The following USP15 variants were observed in gnomAD, a reference collection of about 807,000 sequenced individuals.
USP15 encodes ubiquitin carboxyl-terminal hydrolase 15.
In USP15, 18 loss-of-function variants were observed where a neutral mutation model predicts 127.1. The ratio of observed to expected loss-of-function variants is 0.14; its 90% CI spans 0.10 to 0.21. The LOEUF (loss-of-function observed/expected upper bound fraction) is 0.21. Ranked by LOEUF, USP15 falls within the 10% of genes least tolerant of loss-of-function variation. The pLI is 1.00. For synonymous variants in USP15, 364 were observed against 393.7 expected (o/e 0.92, Z 0.89); for missense variants, 805 against 1,159.9 (o/e 0.69, Z 4.44).
chr12:62,391,821 T>A lies in USP15; in HGVS notation c.2239T>A (p.Ser747Thr). The part of the protein sequence containing the change: ...DDRQLRLDER[S>T]FLALDWDPDL... ...AAATATGTTTTCCACCTTAGAAAGA[T>A]CTTTTCTTGCTTTGGATTGGGATCC... is the stretch of plus-strand genomic sequence containing the variant. The change falls in exon 17 of 22, where the codon TCT becomes ACT. Residue 747 changes from serine to threonine, a missense_variant. Transcript: ENST00000280377. 2 of 1,606,214 alleles carry A rather than the reference T, an allele frequency of 1.2e-6. No homozygotes were observed. Among genetic ancestry groups the A allele is most frequent in the African/African-American group, 1.3e-5 (1 of 74,732 alleles).
chr12:62,292,176 C>G (rs1342684534), intron 1 of USP15, among the ~76,000 whole-genome samples: 1 of 152,130 alleles, frequency 6.6e-6, no homozygotes, highest in Non-Finnish European at 1.5e-5. Context: ...GATGAGCTGT[C>G]TTAGCACCCT....
intron 3 of USP15, among the ~76,000 whole-genome samples, chr12:62,307,882 T>C (rs2137221181): frequency 6.6e-6 from 1 of 152,242 alleles, no homozygotes; most frequent in Non-Finnish European, 1.5e-5. Flanking sequence ...AATCATCTCA[T>C]ATCATTACAA....
intron 8 of USP15, among the ~76,000 whole-genome samples, chr12:62,364,957 T>C (rs1174264076): frequency 6.6e-6 from 1 of 152,206 alleles, no homozygotes; most frequent in African/African-American, 2.4e-5. Context: ...CAGTCTGTCA[T>C]TGATGGACAT....
chr12:62,407,849 C>T lies in USP15; in HGVS notation c.*3474C>T, dbSNP rs2067921864. ...CTTGAACTCCTGGGTTAAAGTGATC[C>T]TCCTGCCTCAGCCTTATAATTTAGT... On this transcript the variant is annotated 3_prime_UTR_variant, in exon 22 of 22. Transcript: ENST00000280377. 1 of 152,154 alleles carries T rather than the reference C, an allele frequency of 6.6e-6. No individual in the cohort carries two copies. Among genetic ancestry groups the T allele is most frequent in the Admixed American group, 6.6e-5 (1 of 15,254 alleles). The allele number at this position is 152,154 out of a possible 1,614,324, so 9.4% of individuals were successfully genotyped here.
chr12:62,369,495 TA>T (rs1278929861), intron 8 of USP15, among the ~76,000 whole-genome samples: 3 of 152,148 alleles, frequency 2.0e-5, no homozygotes, highest in African/African-American at 7.2e-5. Context: ...CTGATTTTTT[TA>T]TTTTTTCATG....
intron 1 of USP15, among the ~76,000 whole-genome samples, chr12:62,261,720 A>ATC (rs1222367365): frequency 6.6e-6 from 1 of 152,158 alleles, no homozygotes; most frequent in Non-Finnish European, 1.5e-5. Flanking sequence ...TTATCCTCTT[A>ATC]TCTCTGCTCT....
At chr12:62,332,534 G>A (rs1220687053) in intron 6 of USP15, among the ~76,000 whole-genome samples, 1 of 151,810 alleles carries the variant, frequency 6.6e-6, no homozygotes, top group South Asian at 2.1e-4. Flanking sequence ...AAACCTGGGG[G>A]TTCCTAAAGA....
At chr12:62,344,842 C>A (rs2065764321) in intron 6 of USP15, among the ~76,000 whole-genome samples, 2 of 152,196 alleles carry the variant, frequency 1.3e-5, no homozygotes, top group African/African-American at 4.8e-5. Flanking sequence ...GAAGCAACAG[C>A]CTGAGCTGTA....
At chr12:62,356,729 T>C (rs954328326) in intron 8 of USP15, among the ~76,000 whole-genome samples, 1 of 152,060 alleles carries the variant, frequency 6.6e-6, no homozygotes, top group Non-Finnish European at 1.5e-5. Context: ...TCAAGAATTC[T>C]AGCACTAGTT....
chr12:62,302,456 T>C (rs2064345493), intron 2 of USP15, among the ~76,000 whole-genome samples: 1 of 152,220 alleles, frequency 6.6e-6, no homozygotes, highest in South Asian at 2.1e-4. Flanking sequence ...TTTTGAAATA[T>C]GTATGGCAGG....
rs538826354 is a variant in USP15, at chr12:62,376,975, T to A, written c.916-4515T>A. Among the ~76,000 whole-genome samples, 15 of 152,302 alleles carry A rather than the reference T, an allele frequency of 9.8e-5. No homozygotes were observed. In the South Asian group the frequency reaches 1.4e-3, roughly 15 times the overall value. ...AAATGATTTTTTTATAGTAGAAGAATCTTCGAGATAGATACTTCAGAACTG... is the reference window on the plus strand; with the variant it reads ...AAATGATTTTTTTATAGTAGAAGAAACTTCGAGATAGATACTTCAGAACTG... On this transcript the variant is annotated intron_variant, in intron 8 of 21. Coordinates refer to ENST00000280377, the MANE Select transcript of USP15 (RefSeq NM_001252078.2).
At chr12:62,328,011 A>G (rs2065181111) in intron 6 of USP15, among the ~76,000 whole-genome samples, 1 of 152,220 alleles carries the variant, frequency 6.6e-6, no homozygotes. Flanking sequence ...AACTAAGAAT[A>G]AAGGGAAATT....
chr12:62,394,792 T>C (rs924267306), intron 19 of USP15, among the ~76,000 whole-genome samples: 7 of 150,658 alleles, frequency 4.6e-5, no homozygotes, highest in African/African-American at 1.7e-4. Flanking sequence ...GAGATTTCAG[T>C]GAGCTGAGAT....
intron 11 of USP15, 111 bp downstream of exon 11, chr12:62,384,413 C>A (rs2067082638): frequency 1.3e-6 from 1 of 774,890 alleles, no homozygotes; most frequent in Non-Finnish European, 1.9e-6. Context: ...ATTGAATTAT[C>A]AAGCCCAATC....
At chr12:62,292,723 G>A (rs534116197) in intron 1 of USP15, among the ~76,000 whole-genome samples, 2 of 152,308 alleles carry the variant, frequency 1.3e-5, no homozygotes, top group African/African-American at 4.8e-5. Flanking sequence ...GCAGCCCCAA[G>A]CAGAGAGCTC....
intron 8 of USP15, among the ~76,000 whole-genome samples, chr12:62,365,445 G>T (rs1296065277): frequency 6.6e-6 from 1 of 152,090 alleles, no homozygotes; most frequent in Non-Finnish European, 1.5e-5. Context: ...GTAGATTCTG[G>T]ATATTAGCCC....
chr12:62,346,845 A>C (rs1380821338), intron 6 of USP15, among the ~76,000 whole-genome samples: 2 of 152,192 alleles, frequency 1.3e-5, no homozygotes, highest in East Asian at 3.8e-4. Context: ...CTTTCAGCCA[A>C]GCTGAATTTA....
intron 5 of USP15, among the ~76,000 whole-genome samples, chr12:62,323,806 A>G (rs1056150644): frequency 1.3e-5 from 2 of 152,194 alleles, no homozygotes; most frequent in African/African-American, 4.8e-5. Flanking sequence ...GACTCAGAGA[A>G]GTTAAATAAT....
intron 11 of USP15, among the ~76,000 whole-genome samples, chr12:62,387,385 A>C (rs2067186137): frequency 6.6e-6 from 1 of 152,216 alleles, no homozygotes; most frequent in Non-Finnish European, 1.5e-5. Context: ...AAAGCAAATC[A>C]GGAGACACTG....
Sources: allele counts gnomAD v4.1 joint callset (sites outside exome capture counted in the v4.1 genomes callset), GRCh38; gene constraint gnomAD v4.1.1; transcripts MANE v1.5; gene names NCBI Gene and HGNC (gene_info 2026-07-23, HGNC 2026-07-21).